Variants in SIPA1L3 observed in about 807,000 individuals in gnomAD.
SIPA1L3 encodes signal-induced proliferation-associated 1-like protein 3.
Under a neutral mutation model 150.1 loss-of-function variants are expected in SIPA1L3, and 59 were observed. The observed-to-expected ratio is 0.39, with a 90% CI of 0.32 to 0.49. SIPA1L3 has a LOEUF of 0.49. SIPA1L3 is among the 20% of genes least tolerant of loss of function. SIPA1L3 has a pLI of 0.86. For missense variants in SIPA1L3, 2,211 were observed against 2,489.5 expected, an observed-to-expected ratio of 0.89 and a Z score of 2.38; for synonymous variants, 1,070 against 1,077.6, an observed-to-expected ratio of 0.99 and a Z score of 0.14.
intron 12 of SIPA1L3, among the ~76,000 whole-genome samples, chr19:38,145,949 C>T (rs892198925): frequency 2.0e-5 from 3 of 152,002 alleles, no homozygotes; most frequent in African/African-American, 7.3e-5. Context: ...TGAAGCCTCA[C>T]TCTTCTGGGC....
chr19:38,156,562 C>T (rs1425863157), intron 13 of SIPA1L3, among the ~76,000 whole-genome samples: 9 of 150,198 alleles, frequency 6.0e-5, no homozygotes, highest in African/African-American at 2.0e-4. Context: ...CAGTGGCTCA[C>T]GCCTGTAATC....
chr19:38,182,643 T>C lies in SIPA1L3; in HGVS notation c.4333T>C (p.Phe1445Leu). The C allele has an allele frequency of 6.2e-7, 1 of 1,614,144 alleles. No homozygotes were observed. The highest frequency in any genetic ancestry group is 8.5e-7 in the Non-Finnish European group (1 of 1,179,990). The change falls in exon 16 of 22, where the codon TTC becomes CTC. Residue 1445 changes from phenylalanine (F) to leucine (L), a missense_variant. Transcript: ENST00000222345. ...GCTCTCCGCCTCCGTCCCCAAGTCCTTCTTCTCCAAGCAGCCTGTACGCAA... is the reference window on the plus strand; with the variant it reads ...GCTCTCCGCCTCCGTCCCCAAGTCCCTCTTCTCCAAGCAGCCTGTACGCAA... ...FQLSASVPKSFFSKQPVRNKH... is the reference protein window; with the variant it reads ...FQLSASVPKSLFSKQPVRNKH...
At chr19:37,915,340 G>A (rs1465770528) in intron 1 of SIPA1L3, among the ~76,000 whole-genome samples, 4 of 152,052 alleles carry the variant, frequency 2.6e-5, no homozygotes, top group African/African-American at 7.2e-5. Flanking sequence ...GCTTTGCAAG[G>A]GGACTTGGGA....
At chr19:38,111,637 G>T (rs1970747529) in intron 8 of SIPA1L3, among the ~76,000 whole-genome samples, 1 of 152,214 alleles carries the variant, frequency 6.6e-6, no homozygotes, top group African/African-American at 2.4e-5. Context: ...GGGCATCCCA[G>T]CCTGCAGCGC....
At chr19:38,168,675 G>A (rs1342720209) in intron 15 of SIPA1L3, among the ~76,000 whole-genome samples, 3 of 152,120 alleles carry the variant, frequency 2.0e-5, no homozygotes, top group Non-Finnish European at 2.9e-5. Flanking sequence ...GCCTGGAGTA[G>A]ACTGTGGCTG....
chr19:38,096,708 G>T (rs993855063), intron 4 of SIPA1L3, among the ~76,000 whole-genome samples: 6 of 152,160 alleles, frequency 3.9e-5, no homozygotes, highest in Non-Finnish European at 8.8e-5. Context: ...AGCATGAGCT[G>T]GTATTAGTGA....
At chr19:37,969,326 C>T (rs1344590122) in intron 1 of SIPA1L3, among the ~76,000 whole-genome samples, 2 of 152,072 alleles carry the variant, frequency 1.3e-5, no homozygotes, top group African/African-American at 2.4e-5. Context: ...CCAAGGCGGG[C>T]GGATCACCTG....
At position 38,130,775 on chromosome 19, in the gene SIPA1L3, A is replaced by AAGG. The variant is rs1358173424; in HGVS notation, c.3143+4_3143+6dup. On this transcript the variant is annotated splice_donor_region_variant and intron_variant, in intron 10 of 21. Transcript: ENST00000222345. ...TTTGAGGACGGCACTCCCCGGAGGT[A>AAGG]AGGGCCTCCACCTTTCAGCCAGGTG... The AAGG allele has an allele frequency of 6.3e-7, 1 of 1,595,514 alleles. No individual in the cohort carries two copies. The highest frequency in any genetic ancestry group is 1.7e-5 in the Admixed American group (1 of 59,372).
At chr19:38,004,300 C>T (rs1024786601) in intron 1 of SIPA1L3, among the ~76,000 whole-genome samples, 7 of 152,174 alleles carry the variant, frequency 4.6e-5, no homozygotes, top group African/African-American at 1.7e-4. Flanking sequence ...CCTGGGGCGG[C>T]CCAGAGACCT....
intron 1 of SIPA1L3, among the ~76,000 whole-genome samples, chr19:37,976,799 G>T (rs1310190434): frequency 6.6e-6 from 1 of 152,106 alleles, no homozygotes; most frequent in Non-Finnish European, 1.5e-5. Context: ...ATATATACTA[G>T]CTGCTATTAT....
At chr19:37,956,482 G>GTTTTTTTTTTTTTTTTTTTTTTTTTT (rs34804753) in intron 1 of SIPA1L3, among the ~76,000 whole-genome samples, 2 of 126,882 alleles carry the variant, frequency 1.6e-5, no homozygotes, top group African/African-American at 2.9e-5. Context: ...AAGTATAAAA[G>GTTTTTTTTTTTTTTTTTTTTTTTTTT]TTTTGTTTTT....
intron 16 of SIPA1L3, chr19:38,184,612 C>T (rs891871057): frequency 1.3e-5 from 2 of 152,218 alleles, no homozygotes; most frequent in Non-Finnish European, 2.9e-5. Context: ...CTGCCCTCCT[C>T]CATCCTGTTC....
intron 8 of SIPA1L3, among the ~76,000 whole-genome samples, chr19:38,110,932 T>A (rs1187770093): frequency 7.2e-6 from 1 of 139,056 alleles, no homozygotes; most frequent in Non-Finnish European, 1.6e-5. Flanking sequence ...GCACGAGTGA[T>A]GGCCCAGAGG....
chr19:38,105,030 G>A (rs913810377), intron 6 of SIPA1L3, among the ~76,000 whole-genome samples: 2 of 151,858 alleles, frequency 1.3e-5, no homozygotes, highest in East Asian at 1.9e-4. Flanking sequence ...CAGTGTCCCC[G>A]CCAGACACTG....
Position 38,201,910 on chromosome 19 carries a change from C to G in SIPA1L3, c.5033C>G (p.Pro1678Arg), listed in dbSNP as rs746033807. Residue 1678 changes from proline (P) to arginine (R), a missense_variant, in exon 20 of 22, where the codon CCG (proline) becomes CGG (arginine). By Grantham distance (103) the Pro-to-Arg change is moderately radical. Transcript: ENST00000222345. ...TCTCTGAACGACCCGGCCCTGAGCC[C>G]GGACATCCCGCCTGCACACAGTCCT... ...LFSLNDPALS[P>R]DIPPAHSPVH... 6.2e-7 allele frequency: 1 copy of G among 1,613,806 alleles called. No homozygotes were observed. The highest frequency in any genetic ancestry group is 8.5e-7 in the Non-Finnish European group (1 of 1,179,942).
At chr19:38,186,209 T>G (rs1972674582) in intron 16 of SIPA1L3, 3 of 152,218 alleles carry the variant, frequency 2.0e-5, no homozygotes, top group African/African-American at 7.2e-5. Flanking sequence ...ATGTGTGTGT[T>G]GGTGTAAACA....
intron 19 of SIPA1L3, among the ~76,000 whole-genome samples, 181 bp downstream of exon 19, chr19:38,198,713 T>C (rs1175328995): frequency 6.6e-6 from 1 of 152,232 alleles, no homozygotes; most frequent in African/African-American, 2.4e-5. Context: ...CGTCATCTCT[T>C]TGATGCCAGC....
chr19:38,028,238 G>A (rs922151774), intron 1 of SIPA1L3, among the ~76,000 whole-genome samples: 7 of 152,172 alleles, frequency 4.6e-5, no homozygotes, highest in African/African-American at 9.7e-5. Context: ...ACCAGGACAA[G>A]TATGATTTCT....
Position 38,044,536 on chromosome 19 carries a change from G to A in SIPA1L3, c.-311+15380G>A, listed in dbSNP as rs75560765. ...AGGGCCCGAGGTGATTGCTAGATGGGAGGCACAAAAGGCTGAAGGGAGCAG... is the reference window on the plus strand; with the variant it reads ...AGGGCCCGAGGTGATTGCTAGATGGAAGGCACAAAAGGCTGAAGGGAGCAG... On this transcript the variant is annotated intron_variant, in intron 2 of 21. Coordinates refer to ENST00000222345, the MANE Select transcript of SIPA1L3 (RefSeq NM_015073.3). Among the ~76,000 whole-genome samples, 1,215 of 152,286 alleles carry A rather than the reference G, an allele frequency of 8.0e-3. 4 individuals are homozygous for A. Among genetic ancestry groups the A allele is most frequent in the South Asian group, 0.019 (92 of 4,830 alleles).
Sources: gnomAD v4.1 joint callset for allele counts (sites outside exome capture counted in the v4.1 genomes callset) on GRCh38, gnomAD v4.1.1 for gene constraint, MANE v1.5 for transcripts, NCBI Gene and HGNC (gene_info 2026-07-23, HGNC 2026-07-21) for gene names.